Variants in MAPRE1 observed in about 807,000 individuals in gnomAD.
MAPRE1 encodes microtubule-associated protein RP/EB family member 1.
MAPRE1 carries 5 observed loss-of-function variants against 32.1 expected under a neutral mutation model. The ratio of observed to expected loss-of-function variants is 0.16; its 90% confidence interval spans 0.08 to 0.33. The LOEUF is 0.33. Among genes scored for constraint, MAPRE1 ranks in the 10% least tolerant of loss-of-function variants. The pLI is 1.00. For missense variants in MAPRE1, 209 were observed against 327.2 expected (o/e 0.64, Z 2.79); for synonymous variants, 122 against 118.9 (o/e 1.03, Z -0.17).
chr20:32,834,849 A>G (rs1169369620), intron 3 of MAPRE1, among the ~76,000 whole-genome samples: 4 of 152,222 alleles, frequency 2.6e-5, no homozygotes, highest in Non-Finnish European at 5.9e-5. Context: ...ATGATCCCTC[A>G]TGTAACTCAA....
chr20:32,822,274 A>G (rs17123676), intron 1 of MAPRE1, among the ~76,000 whole-genome samples: 3,013 of 152,204 alleles, frequency 0.02, 52 homozygotes, highest in African/African-American at 0.049. Context: ...ATAGATTACA[A>G]TTGCTCAGCT....
At chr20:32,841,322 A>G (rs899942460) in intron 5 of MAPRE1, among the ~76,000 whole-genome samples, 4 of 152,224 alleles carry the variant, frequency 2.6e-5, no homozygotes, top group African/African-American at 9.6e-5. Flanking sequence ...TTTCAAACAC[A>G]GGAAGCAGTT....
At chr20:32,823,486 C>G (rs1439083123) in intron 1 of MAPRE1, among the ~76,000 whole-genome samples, 1 of 152,184 alleles carries the variant, frequency 6.6e-6, no homozygotes, top group Non-Finnish European at 1.5e-5. Flanking sequence ...GGTGACTGCT[C>G]AGGGATTTGA....
chr20:32,844,068 G>T (rs371169342), intron 5 of MAPRE1, among the ~76,000 whole-genome samples: 1 of 152,066 alleles, frequency 6.6e-6, no homozygotes, highest in Non-Finnish European at 1.5e-5. Flanking sequence ...TGGCCAGGCC[G>T]GTCTCGAACT....
intron 2 of MAPRE1, among the ~76,000 whole-genome samples, chr20:32,828,846 G>A (rs1354358134): frequency 6.6e-6 from 1 of 152,160 alleles, no homozygotes; most frequent in Non-Finnish European, 1.5e-5. Flanking sequence ...AACATTTGGA[G>A]GGGATTAAAC....
intron 3 of MAPRE1, among the ~76,000 whole-genome samples, chr20:32,835,754 C>T (rs572204506): frequency 2.0e-5 from 3 of 151,742 alleles, no homozygotes; most frequent in South Asian, 2.1e-4. Flanking sequence ...TACAGACGCC[C>T]GCCACCACAC....
chr20:32,830,057 A>G (rs1010958404), intron 2 of MAPRE1, among the ~76,000 whole-genome samples: 1 of 152,178 alleles, frequency 6.6e-6, no homozygotes, highest in African/African-American at 2.4e-5. Context: ...TCTCAAGAGC[A>G]CAGCTTGGTC....
At chr20:32,826,371 C>A (rs536428828) in intron 2 of MAPRE1, among the ~76,000 whole-genome samples, 31 of 151,708 alleles carry the variant, frequency 2.0e-4, no homozygotes, top group Middle Eastern at 3.4e-3. Context: ...CGCCTGCCAC[C>A]ACGCCTGGCT....
At chr20:32,838,226 A>G (rs1434484775) in intron 4 of MAPRE1, among the ~76,000 whole-genome samples, 1 of 152,098 alleles carries the variant, frequency 6.6e-6, no homozygotes, top group Admixed American at 6.5e-5. Context: ...CTTTTCCTAT[A>G]CATGGAGTCA....
chr20:32,830,811 A>G (rs242548), intron 2 of MAPRE1, among the ~76,000 whole-genome samples: 103,895 of 150,492 alleles, frequency 0.69, 37,856 homozygotes, highest in East Asian at 1. Flanking sequence ...TGCAAGCTCC[A>G]CCTCCCAGGT....
chr20:32,828,572 A>G (rs539702971), intron 2 of MAPRE1, among the ~76,000 whole-genome samples: 28 of 152,330 alleles, frequency 1.8e-4, no homozygotes, highest in African/African-American at 6.3e-4. Context: ...TTAGTTCTTC[A>G]TCTGTGAACT....
intron 2 of MAPRE1, among the ~76,000 whole-genome samples, chr20:32,827,621 G>C (rs1982896542): frequency 1.3e-5 from 2 of 152,120 alleles, no homozygotes; most frequent in Non-Finnish European, 2.9e-5. Flanking sequence ...GCTTGGCCGG[G>C]TGTGGTGGCT....
At chr20:32,847,811 C>A (rs1313170486) in intron 6 of MAPRE1, among the ~76,000 whole-genome samples, 1 of 152,088 alleles carries the variant, frequency 6.6e-6, no homozygotes, top group Non-Finnish European at 1.5e-5. Context: ...CCAGAATGCC[C>A]TGTAGTGAGA....
At position 32,836,779 on chromosome 20, in the gene MAPRE1, C is replaced by G. The variant is rs779770995; in HGVS notation, c.413C>G (p.Ala138Gly). The stretch of plus-strand genomic sequence containing the variant: ...AGACAAGGTCAAGAAACTGCAGTGG[C>G]TCCTTCCCTTGTTGCTCCAGCTCTG... ...AARQGQETAV[A>G]PSLVAPALNK... The change falls in exon 4 of 7, where the codon GCT (alanine) becomes GGT (glycine). Residue 138 changes from alanine (A) to glycine (G), a missense_variant. Physicochemically the swap from Ala to Gly is moderately conservative, Grantham distance 60. Transcript: ENST00000375571. The G allele has an allele frequency of 1.9e-6, 3 of 1,614,050 alleles. No individual in the cohort carries two copies. The highest frequency in any genetic ancestry group is 2.7e-5 in the African/African-American group (2 of 74,928).
chr20:32,848,372 T>C (rs184748864), intron 6 of MAPRE1, among the ~76,000 whole-genome samples: 20 of 152,318 alleles, frequency 1.3e-4, no homozygotes, highest in Admixed American at 9.2e-4. Context: ...GAAGTATAAC[T>C]GACATAATAA....
intron 1 of MAPRE1, among the ~76,000 whole-genome samples, chr20:32,823,637 G>C (rs1982763128): frequency 2.0e-5 from 3 of 152,220 alleles, no homozygotes; most frequent in African/African-American, 7.2e-5. Flanking sequence ...GCCTGGGTGT[G>C]GTGGCTCATG....
At chr20:32,834,602 G>T (rs1209008197) in intron 3 of MAPRE1, among the ~76,000 whole-genome samples, 1 of 151,296 alleles carries the variant, frequency 6.6e-6, no homozygotes. Context: ...CTGGTGTCTG[G>T]TTTTTATTTA....
chr20:32,836,600 T>G, intron 3 of MAPRE1, 34 bp from the exon 4 acceptor site: 1 of 1,352,540 alleles, frequency 7.4e-7, no homozygotes, highest in South Asian at 1.2e-5. Context: ...CAAAAGCCTC[T>G]TTTTTGGGGC....
chr20:32,833,644 G>A, intron 2 of MAPRE1, 73 bp from the exon 3 acceptor site: 1 of 1,366,842 alleles, frequency 7.3e-7, no homozygotes. Flanking sequence ...AATTGTATTT[G>A]GTTTAAGTGG....
Sources: gnomAD v4.1 joint callset for allele counts (sites outside exome capture counted in the v4.1 genomes callset) on GRCh38, gnomAD v4.1.1 for gene constraint, MANE v1.5 for transcripts, NCBI Gene and HGNC (gene_info 2026-07-23, HGNC 2026-07-21) for gene names.